The following TCF12 variants were observed in gnomAD, a reference collection of about 807,000 sequenced individuals.
TCF12 encodes transcription factor 12.
TCF12 carries 45 observed loss-of-function variants against 86.0 expected under a neutral mutation model. The observed-to-expected ratio is 0.52, with a 90% CI of 0.41 to 0.67. TCF12 has a LOEUF of 0.67. Among genes scored for constraint, TCF12 ranks in the 30% least tolerant of loss-of-function variants. The pLI is 0.00. For missense variants in TCF12, 881 were observed against 859.9 expected, an observed-to-expected ratio of 1.02 and a Z score of -0.31; for synonymous variants, 330 against 299.6, an observed-to-expected ratio of 1.10 and a Z score of -1.05.
chr15:57,108,399 C>T (rs532883943), intron 5 of TCF12, among the ~76,000 whole-genome samples: 1 of 152,294 alleles, frequency 6.6e-6, no homozygotes, highest in African/African-American at 2.4e-5. Flanking sequence ...CTCAAGTTTA[C>T]TGGGTGAGAA....
chr15:57,252,364 C>A, intron 14 of TCF12, 57 bp from the exon 15 acceptor site: 1 of 1,366,610 alleles, frequency 7.3e-7, no homozygotes, highest in Non-Finnish European at 1.0e-6. Context: ...TTCCTCATCT[C>A]TTTTGGAGTT....
intron 5 of TCF12, among the ~76,000 whole-genome samples, chr15:57,110,440 A>G (rs896676983): frequency 4.6e-5 from 7 of 152,144 alleles, no homozygotes; most frequent in African/African-American, 1.7e-4. Context: ...TGTGTATCAC[A>G]TTTTCATTTT....
chr15:57,048,972 G>A (rs1399112840), intron 3 of TCF12, among the ~76,000 whole-genome samples: 1 of 152,152 alleles, frequency 6.6e-6, no homozygotes, highest in Non-Finnish European at 1.5e-5. Flanking sequence ...CCAGCTGCTG[G>A]AAGTGTTGGT....
At chr15:57,202,731 G>A (rs1207972814) in intron 8 of TCF12, among the ~76,000 whole-genome samples, 4 of 149,256 alleles carry the variant, frequency 2.7e-5, no homozygotes, top group Non-Finnish European at 4.5e-5. Context: ...CACCACACCC[G>A]GTCTGCCCTC....
chr15:57,231,567 A>G (rs1039535357), intron 9 of TCF12, among the ~76,000 whole-genome samples: 18 of 152,136 alleles, frequency 1.2e-4, no homozygotes, highest in African/African-American at 3.4e-4. Context: ...TGTTAACTCT[A>G]GTTTCTTGTT....
intron 5 of TCF12, among the ~76,000 whole-genome samples, chr15:57,156,436 T>C (rs867844816): frequency 6.6e-6 from 1 of 152,372 alleles, no homozygotes; most frequent in South Asian, 2.1e-4. Context: ...TTGACTCTTA[T>C]TTCCATGTTT....
intron 3 of TCF12, among the ~76,000 whole-genome samples, chr15:57,002,809 G>A: frequency 6.6e-6 from 1 of 152,200 alleles, no homozygotes; most frequent in East Asian, 1.9e-4. Context: ...CTGTACTACT[G>A]TAGCAGTTTG....
intron 7 of TCF12, 94 bp downstream of exon 7, chr15:57,192,387 T>G: frequency 6.8e-7 from 1 of 1,460,802 alleles, no homozygotes. Context: ...TTTTTTTTTT[T>G]TCTTTCCGTT....
chr15:57,159,861 G>T (rs1385920554), intron 5 of TCF12, among the ~76,000 whole-genome samples: 3 of 152,182 alleles, frequency 2.0e-5, no homozygotes, highest in African/African-American at 4.8e-5. Flanking sequence ...TTGTACTGTT[G>T]TGAAGGCAAC....
At chr15:57,076,348 G>A (rs1352159808) in intron 4 of TCF12, among the ~76,000 whole-genome samples, 1 of 152,010 alleles carries the variant, frequency 6.6e-6, no homozygotes, top group Non-Finnish European at 1.5e-5. Context: ...TGTAGTAAAT[G>A]ATAAATCTTT....
intron 8 of TCF12, among the ~76,000 whole-genome samples, chr15:57,210,965 C>G (rs929384011): frequency 6.6e-6 from 1 of 152,172 alleles, no homozygotes; most frequent in Non-Finnish European, 1.5e-5. Context: ...CCTCAGCCCA[C>G]TTACTTAAGA....
intron 4 of TCF12, among the ~76,000 whole-genome samples, chr15:57,073,939 A>G (rs1453937380): frequency 1.3e-5 from 2 of 151,792 alleles, no homozygotes; most frequent in African/African-American, 2.4e-5. Context: ...TTTAGTAGAG[A>G]CAGGGTTTCA....
intron 4 of TCF12, among the ~76,000 whole-genome samples, chr15:57,064,351 A>C (rs1489867259): frequency 2.0e-5 from 3 of 152,182 alleles, no homozygotes; most frequent in Admixed American, 2.0e-4. Flanking sequence ...ACAAGGTTAG[A>C]GCCCTTTCCA....
chr15:57,251,327 T>C, intron 13 of TCF12, 23 bp from the exon 14 acceptor site: 1 of 1,607,904 alleles, frequency 6.2e-7, no homozygotes, highest in Non-Finnish European at 8.5e-7. Flanking sequence ...CCCAGGTGTG[T>C]GGCTACTTTT....
chr15:56,950,675 C>T (rs2061225358), intron 3 of TCF12, among the ~76,000 whole-genome samples: 1 of 150,100 alleles, frequency 6.7e-6, no homozygotes, highest in Admixed American at 6.7e-5. Context: ...TTGTTTATTT[C>T]CTCTCCTGTT....
At chr15:56,919,356 C>G (rs1595672136) in intron 1 of TCF12, 3 of 152,320 alleles carry the variant, frequency 2.0e-5, no homozygotes, top group African/African-American at 2.4e-5. Context: ...GCTGGGGGTG[C>G]TTTCCGACCT....
At chr15:57,242,673 A>G (rs1399051094) in intron 12 of TCF12, among the ~76,000 whole-genome samples, 1 of 152,186 alleles carries the variant, frequency 6.6e-6, no homozygotes, top group Non-Finnish European at 1.5e-5. Context: ...ATCTCAAAAA[A>G]AGTGTTCACT....
upstream of TCF12, chr15:56,918,347 A>C (rs2059594347): frequency 2.3e-6 from 1 of 439,280 alleles, no homozygotes; most frequent in Non-Finnish European, 4.6e-6. Flanking sequence ...CAACGCGAGG[A>C]GGCGCCACGG....
chr15:57,258,419 C>T (rs1445453805), intron 16 of TCF12, among the ~76,000 whole-genome samples: 1 of 152,158 alleles, frequency 6.6e-6, no homozygotes, highest in Non-Finnish European at 1.5e-5. Flanking sequence ...CATCAAAACA[C>T]CTTTCTCTTT....
Sources: gnomAD v4.1 joint callset for allele counts (sites outside exome capture counted in the v4.1 genomes callset) on GRCh38, gnomAD v4.1.1 for gene constraint, MANE v1.5 for transcripts, NCBI Gene and HGNC (gene_info 2026-07-23, HGNC 2026-07-21) for gene names.